Variants in GLDC observed in about 807,000 individuals in gnomAD.
GLDC encodes the protein glycine dehydrogenase (decarboxylating), mitochondrial.
GLDC carries 104 observed loss-of-function variants against 121.3 expected under a neutral mutation model. The observed-to-expected ratio is 0.86, with a 90% confidence interval of 0.73 to 1.01. The LOEUF (loss-of-function observed/expected upper bound fraction) is 1.01, where lower values mean the gene tolerates loss of function less well. Among genes scored for constraint, GLDC ranks in the 50% least tolerant of loss-of-function variants. The pLI is 0.00. For missense variants in GLDC, 1,429 were observed against 1,306.6 expected, an observed-to-expected ratio of 1.09 and a Z score of -1.44; for synonymous variants, 546 against 480.6, an observed-to-expected ratio of 1.14 and a Z score of -1.78.
Position 6,610,191 on chromosome 9 carries a change from C to A in GLDC, c.635+1G>T. The A allele has an allele frequency of 1.2e-6, 2 of 1,608,774 alleles. No homozygotes were observed. The highest frequency in any genetic ancestry group is 8.5e-7 in the Non-Finnish European group (1 of 1,177,354). ...TTCCAGCACTTTGAGAGGCCTCTCACCTGTAGCACAGCTGCAGTGCCTCTG... is the reference window on the plus strand; with the variant it reads ...TTCCAGCACTTTGAGAGGCCTCTCAACTGTAGCACAGCTGCAGTGCCTCTG... On this transcript the variant is annotated splice_donor_variant, in intron 4 of 24. Transcript: ENST00000321612. LOFTEE classifies it high-confidence loss of function.
At chr9:6,567,962 A>G (rs899457310) in intron 15 of GLDC, among the ~76,000 whole-genome samples, 2 of 152,258 alleles carry the variant, frequency 1.3e-5, no homozygotes, top group African/African-American at 4.8e-5. Flanking sequence ...GAATTCCTCC[A>G]GCACAGGCAA....
intron 5 of GLDC, 25 bp from the exon 6 acceptor site, chr9:6,605,303 A>T: frequency 6.2e-7 from 1 of 1,612,160 alleles, no homozygotes; most frequent in Non-Finnish European, 8.5e-7. Flanking sequence ...AACAAAGAAC[A>T]ATCGTGCTTT....
chr9:6,559,287 G>A (rs951260768), intron 16 of GLDC, among the ~76,000 whole-genome samples: 3 of 151,538 alleles, frequency 2.0e-5, no homozygotes, highest in Admixed American at 6.6e-5. Flanking sequence ...GGCCGAGGCG[G>A]GTGGATCACC....
intron 9 of GLDC, among the ~76,000 whole-genome samples, chr9:6,594,260 T>C (rs1205499151): frequency 1.3e-5 from 2 of 152,216 alleles, no homozygotes; most frequent in Non-Finnish European, 2.9e-5. Flanking sequence ...TACTTATTTC[T>C]TTTAAAATTA....
chr9:6,631,025 G>A lies in GLDC; in HGVS notation c.335-10706C>T, dbSNP rs183011595. 3.9e-5 allele frequency among the ~76,000 whole-genome samples: 6 copies of A among 152,288 alleles called. No individual in the cohort carries two copies. In the East Asian group the frequency reaches 9.7e-4, roughly 25 times the overall value. The stretch of plus-strand genomic sequence containing the variant: ...AAAGCCAAGCCAATCCATACGCTAC[G>A]CTCTGCACAGCGTACAGAGGAAACT... On this transcript the variant is annotated intron_variant, in intron 2 of 24. Transcript: ENST00000321612.
chr9:6,555,998 T>C (rs539481807), intron 18 of GLDC, among the ~76,000 whole-genome samples, 155 bp downstream of exon 18: 8 of 152,286 alleles, frequency 5.3e-5, no homozygotes, highest in African/African-American at 1.9e-4. Flanking sequence ...GATAAGTGGC[T>C]TTCCAAGGCC....
chr9:6,578,615 C>G (rs1274977263), intron 15 of GLDC, among the ~76,000 whole-genome samples: 1 of 151,552 alleles, frequency 6.6e-6, no homozygotes, highest in Non-Finnish European at 1.5e-5. Context: ...TCATGGCTCA[C>G]TGCAGCCTCA....
chr9:6,622,548 A>G (rs561962637), intron 2 of GLDC, among the ~76,000 whole-genome samples: 10 of 151,940 alleles, frequency 6.6e-5, no homozygotes, highest in South Asian at 2.1e-4. Context: ...TCAGTGCTCA[A>G]TGGTGCCCAG....
intron 16 of GLDC, among the ~76,000 whole-genome samples, chr9:6,563,935 G>A (rs1002616678): frequency 6.6e-6 from 1 of 151,872 alleles, no homozygotes; most frequent in Non-Finnish European, 1.5e-5. Context: ...GTTCAAGGCT[G>A]CAGTGAGCTA....
intron 17 of GLDC, among the ~76,000 whole-genome samples, chr9:6,556,663 G>C (rs1450071060): frequency 6.6e-6 from 1 of 151,984 alleles, no homozygotes; most frequent in Non-Finnish European, 1.5e-5. Context: ...CATGGTGGCA[G>C]GTGCCTGTAA....
At chr9:6,603,736 CTT>C (rs1215996748) in intron 7 of GLDC, among the ~76,000 whole-genome samples, 2 of 124,986 alleles carry the variant, frequency 1.6e-5, no homozygotes. Flanking sequence ...CCTTTTTTTT[CTT>C]TTTTTTTTTT....
At chr9:6,549,642 C>G (rs1817468551) in intron 21 of GLDC, among the ~76,000 whole-genome samples, 2 of 152,166 alleles carry the variant, frequency 1.3e-5, no homozygotes, top group South Asian at 2.1e-4. Context: ...GAGCCCACAG[C>G]CCAATGTGTA....
intron 2 of GLDC, among the ~76,000 whole-genome samples, chr9:6,624,343 A>C (rs151232050): frequency 1.2e-3 from 187 of 152,342 alleles, no homozygotes; most frequent in African/African-American, 4.3e-3. Flanking sequence ...GCCGTAATCC[A>C]ATGATTGGTG....
At chr9:6,644,050 A>AAAAAAAAAAAAAAAAAAAAAAAAAAC (rs55988287) in intron 2 of GLDC, among the ~76,000 whole-genome samples, 3 of 92,702 alleles carry the variant, frequency 3.2e-5, no homozygotes, top group Non-Finnish European at 5.9e-5. Context: ...AAAAAAAAAA[A>AAAAAAAAAAAAAAAAAAAAAAAAAAC]CGAAAAAAAA....
intron 23 of GLDC, 181 bp downstream of exon 23, chr9:6,535,883 C>T (rs1304607990): frequency 4.6e-6 from 3 of 645,924 alleles, no homozygotes; most frequent in Admixed American, 4.3e-5. Context: ...CCTTGAGTAA[C>T]TGCTATGCTG....
chr9:6,605,044 C>T, intron 6 of GLDC, 87 bp downstream of exon 6: 1 of 1,262,996 alleles, frequency 7.9e-7, no homozygotes, highest in Non-Finnish European at 1.2e-6. Flanking sequence ...GAAATTAAGG[C>T]ACATGAAAAG....
At chr9:6,592,436 C>G (rs2129851410) in intron 10 of GLDC, among the ~76,000 whole-genome samples, 1 of 152,354 alleles carries the variant, frequency 6.6e-6, no homozygotes, top group East Asian at 1.9e-4. Flanking sequence ...CACCTCTGAA[C>G]TCTAACATTC....
chr9:6,555,668 T>C (rs1344154213), intron 18 of GLDC, among the ~76,000 whole-genome samples: 1 of 152,112 alleles, frequency 6.6e-6, no homozygotes, highest in Non-Finnish European at 1.5e-5. Context: ...AGCATGCACC[T>C]GTAGTCCCAG....
At chr9:6,616,626 G>C (rs564493683) in intron 3 of GLDC, among the ~76,000 whole-genome samples, 1 of 152,310 alleles carries the variant, frequency 6.6e-6, no homozygotes, top group South Asian at 2.1e-4. Context: ...GTAAAACATA[G>C]TGATTAAGAA....
Sources: gnomAD v4.1 joint callset for allele counts (sites outside exome capture counted in the v4.1 genomes callset) on GRCh38, gnomAD v4.1.1 for gene constraint, MANE v1.5 for transcripts, NCBI Gene and HGNC (gene_info 2026-07-23, HGNC 2026-07-21) for gene names.